ARHGAP8: variants seen among roughly 807,000 people sequenced by gnomAD.
ARHGAP8 encodes the protein rho GTPase-activating protein 8.
ARHGAP8 carries 62 observed loss-of-function variants against 46.1 expected under a neutral mutation model. The observed-to-expected ratio is 1.34, with a 90% CI of 1.10 to 1.66. The LOEUF is 1.66. ARHGAP8 is among the 40% of genes most tolerant of loss of function. ARHGAP8 has a pLI of 0.00. For synonymous variants in ARHGAP8, 375 were observed against 243.1 expected (o/e 1.54, Z -5.05); for missense variants, 923 against 568.4 (o/e 1.62, Z -6.34).
At chr22:44,804,519 G>A (rs1928799731) in intron 3 of ARHGAP8, among the ~76,000 whole-genome samples, 1 of 152,162 alleles carries the variant, frequency 6.6e-6, no homozygotes, top group Non-Finnish European at 1.5e-5. Flanking sequence ...CCGATCTCTG[G>A]GTGTCCCTGG....
At chr22:44,761,821 A>G (rs7284311) in intron 1 of ARHGAP8, among the ~76,000 whole-genome samples, 8,038 of 152,306 alleles carry the variant, frequency 0.053, 705 homozygotes, top group African/African-American at 0.18. Context: ...CTTCACAATC[A>G]TGGTGGAAGT....
intron 3 of ARHGAP8, 60 bp from the exon 4 acceptor site, chr22:44,808,247 C>T (rs1402791905): frequency 3.6e-5 from 56 of 1,574,440 alleles, no homozygotes; most frequent in Non-Finnish European, 4.5e-5. Context: ...AGGGAAAGCA[C>T]GTTTGGTTTC....
intron 1 of ARHGAP8, among the ~76,000 whole-genome samples, chr22:44,784,548 T>C (rs951190428): frequency 6.6e-6 from 1 of 152,226 alleles, no homozygotes; most frequent in Admixed American, 6.5e-5. Context: ...CCATTTTCTA[T>C]CAGGGATTTG....
intron 5 of ARHGAP8, among the ~76,000 whole-genome samples, chr22:44,820,803 G>A (rs952468840): frequency 6.6e-6 from 1 of 152,144 alleles, no homozygotes; most frequent in East Asian, 1.9e-4. Context: ...ACTAGGGGGA[G>A]CCAGTGCACA....
chr22:44,831,069 C>T (rs1473908949), intron 7 of ARHGAP8, among the ~76,000 whole-genome samples: 2 of 152,076 alleles, frequency 1.3e-5, no homozygotes, highest in Non-Finnish European at 2.9e-5. Flanking sequence ...GACCCTAGGC[C>T]CTTATCAGAT....
intron 4 of ARHGAP8, chr22:44,808,692 C>A: frequency 1.5e-6 from 1 of 660,670 alleles, no homozygotes; most frequent in Non-Finnish European, 2.7e-6. Flanking sequence ...ACCCAGCCAC[C>A]ATGGCTCACA....
intron 1 of ARHGAP8, among the ~76,000 whole-genome samples, chr22:44,753,614 G>GC (rs1924429257): frequency 6.6e-6 from 1 of 151,772 alleles, no homozygotes; most frequent in South Asian, 2.1e-4. Context: ...CAATCCTGTG[G>GC]GGGGTGGGGG....
At position 44,779,193 on chromosome 22, in the gene ARHGAP8, G is replaced by T. The variant is rs971863238; in HGVS notation, c.-71-7264G>T. Among the ~76,000 whole-genome samples the T allele has an allele frequency of 2.7e-5, 4 of 148,486 alleles. No individual in the cohort carries two copies. The Admixed American group carries it at 2.7e-4, about 10-fold the overall frequency. Reference sequence around the variant, plus strand: ...TGGCTCACTGCAACCTCCGCCTCTTGGGTTCAAGCGATTCTCCTGCCTCAG... The same window carrying T: ...TGGCTCACTGCAACCTCCGCCTCTTTGGTTCAAGCGATTCTCCTGCCTCAG... On this transcript the variant is annotated intron_variant, in intron 1 of 11. Coordinates refer to ENST00000356099, the MANE Select transcript of ARHGAP8 (RefSeq NM_181335.3).
chr22:44,770,304 C>A (rs1205200871), intron 1 of ARHGAP8, among the ~76,000 whole-genome samples: 1 of 151,814 alleles, frequency 6.6e-6, no homozygotes, highest in African/African-American at 2.4e-5. Context: ...CTGCTGAGTC[C>A]ACTTCTGGGT....
intron 5 of ARHGAP8, among the ~76,000 whole-genome samples, chr22:44,815,736 T>C (rs2147105066): frequency 6.6e-6 from 1 of 152,272 alleles, no homozygotes; most frequent in East Asian, 1.9e-4. Context: ...AAGCAAGAGC[T>C]CAAGGGGCTC....
chr22:44,808,156 A>G, intron 3 of ARHGAP8, 151 bp from the exon 4 acceptor site: 1 of 1,199,618 alleles, frequency 8.3e-7, no homozygotes, highest in Non-Finnish European at 1.1e-6. Flanking sequence ...CATCTGGGAA[A>G]TGAGGACCGG....
chr22:44,832,967 A>AC (rs202022312), intron 7 of ARHGAP8, among the ~76,000 whole-genome samples: 2,837 of 149,674 alleles, frequency 0.019, 45 homozygotes, highest in Middle Eastern at 0.048. Flanking sequence ...TGTCTATTAA[A>AC]AACACACACA....
At chr22:44,856,835 G>A (rs911505420) in intron 10 of ARHGAP8, among the ~76,000 whole-genome samples, 1 of 144,646 alleles carries the variant, frequency 6.9e-6, no homozygotes, top group Admixed American at 6.7e-5. Flanking sequence ...TCTTCCGAAT[G>A]TGGCTCTGCT....
At chr22:44,841,612 C>T (rs573825604) in intron 7 of ARHGAP8, among the ~76,000 whole-genome samples, 3 of 152,332 alleles carry the variant, frequency 2.0e-5, no homozygotes, top group Admixed American at 6.5e-5. Context: ...AACAGTCTCA[C>T]TGGGCTGCAA....
In ARHGAP8 at chr22:44,815,461, T is replaced by G. The variant is rs181479453; in HGVS notation, c.386+703T>G. On this transcript the variant is annotated intron_variant, in intron 5 of 11. Transcript: ENST00000356099. ...AAACTCTGTGGTGTTGGCCCAAGGT[T>G]CCCGGTGGGCAAAGACATTACCAGG... 1.4e-4 allele frequency among the ~76,000 whole-genome samples: 21 copies of G among 151,580 alleles called. 1 individual carries two copies. Among genetic ancestry groups the G allele is most frequent in the African/African-American group, 4.4e-4 (18 of 41,028 alleles).
At chr22:44,859,238 G>A (rs1274742489) in intron 10 of ARHGAP8, among the ~76,000 whole-genome samples, 1 of 151,688 alleles carries the variant, frequency 6.6e-6, no homozygotes, top group Non-Finnish European at 1.5e-5. Flanking sequence ...TTGAAACTTT[G>A]GAGGTGGGGA....
chr22:44,799,078 GC>G, intron 2 of ARHGAP8, among the ~76,000 whole-genome samples: 1 of 152,310 alleles, frequency 6.6e-6, no homozygotes, highest in South Asian at 2.1e-4. Flanking sequence ...CACCTGGGGG[GC>G]CCCCAAGGTC....
chr22:44,858,438 G>A (rs1042823825), intron 10 of ARHGAP8, among the ~76,000 whole-genome samples: 15 of 147,978 alleles, frequency 1.0e-4, no homozygotes, highest in African/African-American at 3.5e-4. Flanking sequence ...CACCATCTCG[G>A]CTCAGTGCAG....
chr22:44,796,176 A>G (rs1006743243), intron 2 of ARHGAP8, among the ~76,000 whole-genome samples: 1 of 152,210 alleles, frequency 6.6e-6, no homozygotes, highest in African/African-American at 2.4e-5. Flanking sequence ...CAGGGGTCCC[A>G]GAGCAGACGC....
Sources: gnomAD v4.1 joint callset for allele counts (sites outside exome capture counted in the v4.1 genomes callset) on GRCh38, gnomAD v4.1.1 for gene constraint, MANE v1.5 for transcripts, NCBI Gene and HGNC (gene_info 2026-07-23, HGNC 2026-07-21) for gene names.